INTS2: variants seen among roughly 807,000 people sequenced by gnomAD.
The protein encoded by INTS2 is integrator complex subunit 2, also known as KIAA1287.
In INTS2, 57 loss-of-function variants were observed where a neutral mutation model predicts 139.6. The ratio of observed to expected loss-of-function variants is 0.41; its 90% CI spans 0.33 to 0.51. INTS2 has a LOEUF of 0.51. Among genes scored for constraint, INTS2 ranks in the 20% least tolerant of loss-of-function variants. The pLI is 0.28. For missense variants in INTS2, 1,196 were observed against 1,436.7 expected (o/e 0.83, Z 2.71); for synonymous variants, 473 against 493.4 (o/e 0.96, Z 0.55).
chr17:61,898,490 C>A lies in INTS2; in HGVS notation c.1308-751G>T, dbSNP rs2079371935. On this transcript the variant is annotated intron_variant, in intron 9 of 24. Coordinates refer to ENST00000251334, the MANE Select transcript of INTS2 (RefSeq NM_001351695.2). Reference sequence around the variant, plus strand: ...TTTTTATTTTTAGTAGAGGGGAGGTCTCACTATGTTGCCCAGTCTGGTCTT... The same window carrying A: ...TTTTTATTTTTAGTAGAGGGGAGGTATCACTATGTTGCCCAGTCTGGTCTT... Among the ~76,000 whole-genome samples, 3 of 152,146 alleles carry A rather than the reference C, an allele frequency of 2.0e-5. No individual in the cohort carries two copies. The South Asian group carries it at 6.2e-4, about 32-fold the overall frequency.
Position 61,867,332 on chromosome 17 carries a change from G to T in INTS2, c.*225C>A. The T allele has an allele frequency of 3.2e-6, 1 of 308,746 alleles. No individual in the cohort carries two copies. Among genetic ancestry groups the T allele is most frequent in the Non-Finnish European group, 5.9e-6 (1 of 170,070 alleles). 19.1% of individuals were successfully genotyped at this position (308,746 alleles called of 1,614,324 possible). A position where few individuals can be genotyped will look rare whatever the true frequency, so the allele number is the denominator to read the frequency against. ...CAGTGGAAAAAAAAAAAGCTCAGCT[G>T]CTACAATAGAAACATATCAGCAAAG... On this transcript the variant is annotated 3_prime_UTR_variant, in exon 25 of 25. Coordinates refer to ENST00000251334, the MANE Select transcript of INTS2 (RefSeq NM_001351695.2). The surrounding 1 kb of genome is among the most constrained non-coding windows in gnomAD (Gnocchi z 5.6).
At chr17:61,896,239 CA>C (rs1197473910) in intron 11 of INTS2, among the ~76,000 whole-genome samples, 12 of 45,114 alleles carry the variant, frequency 2.7e-4, no homozygotes, top group Non-Finnish European at 3.1e-4. Flanking sequence ...GACTCCATCT[CA>C]AAAAAAAAAA....
At chr17:61,874,776 C>CA (rs964641481) in intron 19 of INTS2, 137 bp downstream of exon 19, 9 of 516,704 alleles carry the variant, frequency 1.7e-5, no homozygotes, top group Non-Finnish European at 2.4e-5. Context: ...AAAAATAAGA[C>CA]AAAAAACCGC....
intron 9 of INTS2, among the ~76,000 whole-genome samples, chr17:61,902,136 T>A (rs1054648599): frequency 2.0e-5 from 3 of 152,156 alleles, no homozygotes; most frequent in Non-Finnish European, 2.9e-5. Context: ...CTATTTGTTT[T>A]TAATATAGAA....
chr17:61,892,021 T>TA (rs1283596966), intron 13 of INTS2, among the ~76,000 whole-genome samples: 1 of 152,098 alleles, frequency 6.6e-6, no homozygotes, highest in Non-Finnish European at 1.5e-5. Context: ...GAGCTCACGT[T>TA]AGATAGGAAT....
chr17:61,890,007 A>T, intron 14 of INTS2, 113 bp from the exon 15 acceptor site: 1 of 654,214 alleles, frequency 1.5e-6, no homozygotes, highest in South Asian at 1.7e-5. Flanking sequence ...CTCCTAACTC[A>T]GGTAAAACAG....
At chr17:61,881,628 A>G (rs903640731) in intron 16 of INTS2, among the ~76,000 whole-genome samples, 13 of 152,198 alleles carry the variant, frequency 8.5e-5, no homozygotes, top group African/African-American at 3.1e-4. Context: ...GAGCACCACC[A>G]GCACCATAAG....
intron 15 of INTS2, among the ~76,000 whole-genome samples, chr17:61,888,566 T>C (rs1462504285): frequency 2.1e-5 from 3 of 143,634 alleles, no homozygotes; most frequent in East Asian, 2.0e-4. Context: ...TGTGCGTGCG[T>C]GTGTGTGTGT....
In INTS2 at chr17:61,884,942, A is replaced by T. The variant is rs752663086; in HGVS notation, c.2048T>A (p.Phe683Tyr). ...CAGCCCTTGAGCCTGTCGAATAAGG[A>T]ATTTGATAGGAATCTGATCCATTAA... ...SSLMDQIPIK[F>Y]LIRQAQGLQQ... The change falls in exon 16 of 25, where the codon TTC (phenylalanine) becomes TAC (tyrosine). Residue 683 changes from phenylalanine (F) to tyrosine (Y), a missense_variant. Around this residue, in one of 3 missense-constraint regions of INTS2, gnomAD observed 1,129 missense variants for 1,341.9 expected, o/e 0.84. Transcript: ENST00000251334. The T allele has an allele frequency of 3.7e-6, 6 of 1,609,628 alleles. No individual in the cohort carries two copies. The South Asian group carries it at 6.7e-5, about 18-fold the overall frequency.
At chr17:61,916,558 C>T (rs2079584956) in intron 5 of INTS2, among the ~76,000 whole-genome samples, 1 of 152,134 alleles carries the variant, frequency 6.6e-6, no homozygotes, top group Non-Finnish European at 1.5e-5. Context: ...GAAAGGACTC[C>T]CTATTTAACA....
At chr17:61,915,913 C>T (rs903061636) in intron 5 of INTS2, among the ~76,000 whole-genome samples, 1 of 151,580 alleles carries the variant, frequency 6.6e-6, no homozygotes, top group Non-Finnish European at 1.5e-5. Context: ...TTTAAAATGG[C>T]CATATTGCCC....
intron 9 of INTS2, among the ~76,000 whole-genome samples, chr17:61,899,954 GATA>G (rs1487973282): frequency 2.0e-5 from 3 of 150,900 alleles, no homozygotes; most frequent in African/African-American, 4.9e-5. Context: ...GAGGATTTGA[GATA>G]ATGTTTAGAA....
intron 5 of INTS2, among the ~76,000 whole-genome samples, chr17:61,917,465 T>A (rs528407088): frequency 6.6e-6 from 1 of 152,342 alleles, no homozygotes; most frequent in South Asian, 2.1e-4. Context: ...AATGAAATCA[T>A]GTCCTTTGCC....
At position 61,898,088 on chromosome 17, in the gene INTS2, T is replaced by C. The variant is rs58969307; in HGVS notation, c.1308-349A>G. On this transcript the variant is annotated intron_variant, in intron 9 of 24. Transcript: ENST00000251334. ...TACACAACAGCTGATATTTATTTCA[T>C]ATAGAAAAAAATCTAGTGTTAACAC... Among the ~76,000 whole-genome samples, 428 of 152,294 alleles carry C rather than the reference T, an allele frequency of 2.8e-3. 2 individuals carry two copies. The highest frequency in any genetic ancestry group is 9.8e-3 in the African/African-American group (407 of 41,568).
Position 61,919,904 on chromosome 17 carries a change from T to C in INTS2, c.536-391A>G, listed in dbSNP as rs144109466. Among the ~76,000 whole-genome samples, 161 of 152,182 alleles carry C rather than the reference T, an allele frequency of 1.1e-3. 1 individual carries two copies. The highest frequency in any genetic ancestry group is 3.7e-3 in the African/African-American group (154 of 41,516). ...CCACCATGCCCAACCAAAAATGACA[T>C]TTCATTGTATTATTAAATATCTTTT... On this transcript the variant is annotated intron_variant, in intron 4 of 24. Coordinates refer to ENST00000251334, the MANE Select transcript of INTS2 (RefSeq NM_001351695.2).
chr17:61,921,685 A>C (rs1256898365), intron 4 of INTS2, 40 bp downstream of exon 4: 2 of 1,007,560 alleles, frequency 2.0e-6, no homozygotes, highest in Non-Finnish European at 2.9e-6. Context: ...ATTTAACAAG[A>C]AACTATATAT....
chr17:61,872,614 A>G lies in INTS2; in HGVS notation c.2583-154T>C, dbSNP rs1221918742. 6.6e-6 allele frequency among the ~76,000 whole-genome samples: 1 copy of G among 152,194 alleles called. No individual in the cohort carries two copies. The highest frequency in any genetic ancestry group is 1.5e-5 in the Non-Finnish European group (1 of 68,024). On this transcript the variant is annotated intron_variant, in intron 19 of 24. Transcript: ENST00000251334. This position sits in a 1 kb window ranked among gnomAD's most constrained non-coding sequence, Gnocchi z 4.8. The stretch of plus-strand genomic sequence containing the variant: ...AAATATTCATTCTCAAAAGTTTAAT[A>G]TATGTTTCTTATTCTCTGTATTTCA...
chr17:61,923,835 T>G (rs2079678815), intron 3 of INTS2, among the ~76,000 whole-genome samples: 1 of 152,120 alleles, frequency 6.6e-6, no homozygotes, highest in South Asian at 2.1e-4. Flanking sequence ...TATTTTTTAG[T>G]AGAAACGGGG....
rs2079320233 is a variant in INTS2, at chr17:61,893,823, T to C, written c.1640A>G (p.His547Arg). 7.6e-6 allele frequency: 12 copies of C among 1,584,832 alleles called. No homozygotes were observed. The highest frequency in any genetic ancestry group is 4.6e-5 in the East Asian group (2 of 43,498). ...SANITGFLPI[H>R]CIYQLLRSRS... Reference sequence around the variant, plus strand: ...GCTCCTGAGAAGCTGGTAAATACAATGAATAGGCAAAAATCCAGTAATGTT... The same window carrying C: ...GCTCCTGAGAAGCTGGTAAATACAACGAATAGGCAAAAATCCAGTAATGTT... Residue 547 changes from histidine (H) to arginine (R), a missense_variant, in exon 13 of 25, where the codon CAT (histidine) becomes CGT (arginine). Physicochemically the swap from His to Arg is conservative, Grantham distance 29. Around this residue, in one of 3 missense-constraint regions of INTS2, gnomAD observed 1,129 missense variants for 1,341.9 expected, o/e 0.84. Transcript: ENST00000251334. This position sits in a 1 kb window ranked among gnomAD's most constrained non-coding sequence, Gnocchi z 5.4.
Sources: allele counts gnomAD v4.1 joint callset (sites outside exome capture counted in the v4.1 genomes callset), GRCh38; gene constraint gnomAD v4.1.1; regional missense constraint gnomAD v4.1.1; non-coding constraint Gnocchi (gnomAD v3.1); transcripts MANE v1.5; gene names NCBI Gene and HGNC (gene_info 2026-07-23, HGNC 2026-07-21).